NRXN3: variants seen among roughly 807,000 people sequenced by gnomAD.
NRXN3 encodes neurexin 3.
Under a neutral mutation model 137.6 loss-of-function variants are expected in NRXN3, and 32 were observed. The observed-to-expected ratio is 0.23, with a 90% CI of 0.18 to 0.31. The LOEUF (loss-of-function observed/expected upper bound fraction) is 0.31. Ranked by LOEUF, NRXN3 falls within the 10% of genes least tolerant of loss-of-function variation. NRXN3 has a pLI of 1.00. For synonymous variants in NRXN3, 798 were observed against 784.5 expected (o/e 1.02, Z -0.29); for missense variants, 1,574 against 2,062.5 (o/e 0.76, Z 4.59).
At chr14:78,352,053 A>G (rs1183758944) in intron 4 of NRXN3, among the ~76,000 whole-genome samples, 1 of 149,058 alleles carries the variant, frequency 6.7e-6, no homozygotes, top group Non-Finnish European at 1.5e-5. Flanking sequence ...GCACCACTGC[A>G]CTCCAGCCTG....
chr14:79,022,978 A>G (rs2099592081), intron 15 of NRXN3, among the ~76,000 whole-genome samples: 1 of 152,172 alleles, frequency 6.6e-6, no homozygotes, highest in African/African-American at 2.4e-5. Context: ...CCAGTTGCCA[A>G]GCATCCATAG....
chr14:79,603,792 T>G (rs919059761), intron 16 of NRXN3, among the ~76,000 whole-genome samples: 2 of 152,228 alleles, frequency 1.3e-5, no homozygotes, highest in Non-Finnish European at 2.9e-5. Flanking sequence ...AAATGAATTA[T>G]CAGAGTTTAC....
At chr14:79,369,288 T>C (rs556415292) in intron 15 of NRXN3, among the ~76,000 whole-genome samples, 1 of 152,278 alleles carries the variant, frequency 6.6e-6, no homozygotes, top group East Asian at 1.9e-4. Context: ...TTTGATGAAT[T>C]CTTCCGTCCA....
intron 15 of NRXN3, among the ~76,000 whole-genome samples, chr14:79,358,897 A>G (rs944358809): frequency 2.6e-5 from 4 of 152,140 alleles, no homozygotes; most frequent in African/African-American, 9.7e-5. Context: ...TATGTTGTTA[A>G]TTTCATCAAC....
intron 16 of NRXN3, among the ~76,000 whole-genome samples, chr14:79,605,185 A>ACACATAT (rs1250361948): frequency 3.3e-5 from 5 of 152,296 alleles, no homozygotes; most frequent in South Asian, 4.1e-4. Flanking sequence ...GGAATGACCT[A>ACACATAT]CACATATGCA....
At chr14:78,345,382 C>T (rs932843315) in intron 4 of NRXN3, among the ~76,000 whole-genome samples, 1 of 152,162 alleles carries the variant, frequency 6.6e-6, no homozygotes, top group Admixed American at 6.5e-5. Context: ...AGGAGGAAGT[C>T]CTACCAGGGA....
intron 4 of NRXN3, among the ~76,000 whole-genome samples, chr14:78,331,285 T>C (rs2153570296): frequency 6.6e-6 from 1 of 152,306 alleles, no homozygotes; most frequent in African/African-American, 2.4e-5. Flanking sequence ...ATTAGCCTTC[T>C]TTTTCTATCA....
Position 78,900,465 on chromosome 14 carries a change from T to A in NRXN3, c.2276-56777T>A, listed in dbSNP as rs918556877. The stretch of plus-strand genomic sequence containing the variant: ...TTTCTTTTTTTTTTTTCACTATCTA[T>A]CATTACTACGTTTGGTGCCAAGTTG... On this transcript the variant is annotated intron_variant, in intron 10 of 20. Coordinates refer to ENST00000335750, the MANE Select transcript of NRXN3 (RefSeq NM_001330195.2). Among the ~76,000 whole-genome samples, 3 of 151,390 alleles carry A rather than the reference T, an allele frequency of 2.0e-5. No individual in the cohort carries two copies. The East Asian group carries it at 5.9e-4, about 30-fold the overall frequency.
At chr14:78,313,217 G>A (rs928697856) in intron 4 of NRXN3, among the ~76,000 whole-genome samples, 5 of 152,168 alleles carry the variant, frequency 3.3e-5, no homozygotes, top group African/African-American at 9.7e-5. Flanking sequence ...TGTCTCTCTT[G>A]CATGCCTTAT....
intron 16 of NRXN3, among the ~76,000 whole-genome samples, chr14:79,525,763 C>A (rs11852085): frequency 0.027 from 4,161 of 152,302 alleles, 196 homozygotes; most frequent in African/African-American, 0.095. Flanking sequence ...CTTATGTTCA[C>A]TATAAATGTT....
intron 15 of NRXN3, among the ~76,000 whole-genome samples, chr14:79,416,758 C>A (rs191559554): frequency 6.6e-6 from 1 of 152,252 alleles, no homozygotes; most frequent in East Asian, 1.9e-4. Flanking sequence ...TTCTTCTATG[C>A]AGATTTCATT....
intron 16 of NRXN3, among the ~76,000 whole-genome samples, chr14:79,493,884 A>G (rs1238133563): frequency 6.6e-6 from 1 of 152,188 alleles, no homozygotes; most frequent in Non-Finnish European, 1.5e-5. Flanking sequence ...TCTGCTGTAT[A>G]CTGAATGACA....
At chr14:79,493,682 A>G (rs990858079) in intron 16 of NRXN3, among the ~76,000 whole-genome samples, 3 of 152,180 alleles carry the variant, frequency 2.0e-5, no homozygotes, top group Admixed American at 6.5e-5. Context: ...GTAAAAAGTG[A>G]CTACACCATC....
intron 15 of NRXN3, among the ~76,000 whole-genome samples, chr14:79,319,884 G>A (rs994471734): frequency 6.6e-6 from 1 of 152,124 alleles, no homozygotes; most frequent in African/African-American, 2.4e-5. Flanking sequence ...ACTAATGGCA[G>A]GATTCTGTCT....
chr14:78,737,629 G>T (rs2098546843), intron 8 of NRXN3, among the ~76,000 whole-genome samples: 2 of 152,146 alleles, frequency 1.3e-5, no homozygotes, highest in Admixed American at 1.3e-4. Context: ...AAAAGGGGGG[G>T]AGGGGTAGAA....
At chr14:79,846,364 C>T (rs1251925369) in intron 20 of NRXN3, among the ~76,000 whole-genome samples, 2 of 152,116 alleles carry the variant, frequency 1.3e-5, no homozygotes, top group Admixed American at 6.5e-5. Context: ...TGTTCCCAAA[C>T]TCAGTTTCCA....
At chr14:79,485,606 A>T (rs1011986825) in intron 16 of NRXN3, among the ~76,000 whole-genome samples, 2 of 152,078 alleles carry the variant, frequency 1.3e-5, no homozygotes, top group Admixed American at 6.5e-5. Context: ...GTGCGTGCCT[A>T]TCTGTGTAGC....
At chr14:79,635,708 T>C (rs2098398767) in intron 16 of NRXN3, among the ~76,000 whole-genome samples, 1 of 152,220 alleles carries the variant, frequency 6.6e-6, no homozygotes, top group South Asian at 2.1e-4. Context: ...TATTTGTCTG[T>C]TCTCATGCTG....
intron 15 of NRXN3, among the ~76,000 whole-genome samples, chr14:79,338,105 C>G (rs1354551481): frequency 6.6e-6 from 1 of 152,016 alleles, no homozygotes. Context: ...TGACATCACT[C>G]TATTACTGAA....
Sources: allele counts gnomAD v4.1 joint callset (sites outside exome capture counted in the v4.1 genomes callset), GRCh38; gene constraint gnomAD v4.1.1; transcripts MANE v1.5; gene names NCBI Gene and HGNC (gene_info 2026-07-23, HGNC 2026-07-21).